Variants in CHCHD6 observed in about 807,000 individuals in gnomAD.
The protein encoded by CHCHD6 is coiled-coil-helix-coiled-coil-helix domain containing 6.
A neutral mutation model predicts 32.3 loss-of-function variants in CHCHD6; 28 were observed. That is an observed-to-expected ratio of 0.87 (90% CI 0.64 to 1.19). CHCHD6 has a LOEUF of 1.19. Among genes scored for constraint, CHCHD6 ranks in the 50% most tolerant of loss-of-function variants. The pLI is 0.00. For synonymous variants in CHCHD6, 122 were observed against 117.5 expected, an observed-to-expected ratio of 1.04 and a Z score of -0.25; for missense variants, 333 against 307.0, an observed-to-expected ratio of 1.08 and a Z score of -0.63.
intron 4 of CHCHD6, among the ~76,000 whole-genome samples, chr3:126,808,417 T>C (rs1939510338): frequency 6.6e-6 from 1 of 152,204 alleles, no homozygotes; most frequent in Admixed American, 6.5e-5. Flanking sequence ...TCATCGGGGC[T>C]GTCTTAGAGG....
rs370867313 is a variant in CHCHD6, at chr3:126,822,416, C to T, written c.412-30231C>T. On this transcript the variant is annotated intron_variant, in intron 4 of 7. Coordinates refer to ENST00000290913, the MANE Select transcript of CHCHD6 (RefSeq NM_032343.3). Reference sequence around the variant, plus strand: ...ATATTTATTTTTGGACTCAGAATTCCAGTCCATGTATCTCTATGTCCTTAT... The same window carrying T: ...ATATTTATTTTTGGACTCAGAATTCTAGTCCATGTATCTCTATGTCCTTAT... Among the ~76,000 whole-genome samples, 16 of 152,226 alleles carry T rather than the reference C, an allele frequency of 1.1e-4. No individual in the cohort carries two copies. In the East Asian group the frequency reaches 2.1e-3, roughly 20 times the overall value.
chr3:126,816,098 C>G (rs1189193644), intron 4 of CHCHD6, among the ~76,000 whole-genome samples: 3 of 152,148 alleles, frequency 2.0e-5, no homozygotes, highest in African/African-American at 7.2e-5. Flanking sequence ...CTGTCCTCCC[C>G]CTCCCCCTCT....
chr3:126,768,782 CATTTTG>C (rs573745642), intron 4 of CHCHD6, among the ~76,000 whole-genome samples: 18 of 152,236 alleles, frequency 1.2e-4, no homozygotes, highest in Admixed American at 5.9e-4. Flanking sequence ...GATGGTATCT[CATTTTG>C]ATTTTGATTT....
chr3:126,704,415 TG>T lies in CHCHD6; in HGVS notation c.87+19del. On this transcript the variant is annotated intron_variant, in intron 1 of 7. Transcript: ENST00000290913. ...GGGTGTCCGGGTGAGCGGCGCCGCC[TG>T]GGCCGGGGCGGGCGTGGAGGCCGCG... The T allele has an allele frequency of 6.7e-7, 1 of 1,486,064 alleles. No individual in the cohort carries two copies. The allele number at this position is 1,486,064 out of a possible 1,614,324, so 92.1% of individuals were successfully genotyped here. A position where few individuals can be genotyped will look rare whatever the true frequency, so the allele number is the denominator to read the frequency against.
intron 4 of CHCHD6, among the ~76,000 whole-genome samples, chr3:126,810,799 G>A (rs1220743783): frequency 1.3e-5 from 2 of 152,178 alleles, no homozygotes; most frequent in South Asian, 4.1e-4. Context: ...CAGTATGGAT[G>A]CTATCATACT....
At chr3:126,778,797 T>G (rs6801226) in intron 4 of CHCHD6, among the ~76,000 whole-genome samples, 151,968 of 152,306 alleles carry the variant, frequency 1, 75,821 homozygotes, top group Middle Eastern at 1. Context: ...TGTTGCCCAG[T>G]TGGAGTGCAG....
intron 4 of CHCHD6, among the ~76,000 whole-genome samples, chr3:126,842,005 TTGGGAGGCCTAGG>T (rs1009091089): frequency 6.6e-6 from 1 of 152,084 alleles, no homozygotes; most frequent in Non-Finnish European, 1.5e-5. Context: ...TCCCAACACT[TTGGGAGGCCTAGG>T]TGGGAGGATG....
At chr3:126,903,350 A>G (rs746553575) in intron 5 of CHCHD6, among the ~76,000 whole-genome samples, 11 of 152,150 alleles carry the variant, frequency 7.2e-5, no homozygotes, top group Non-Finnish European at 1.3e-4. Context: ...GTTGTCCCTT[A>G]ACCCTGGAAT....
chr3:126,851,921 A>G (rs1941489418), intron 4 of CHCHD6, among the ~76,000 whole-genome samples: 1 of 152,118 alleles, frequency 6.6e-6, no homozygotes, highest in Middle Eastern at 3.2e-3. Flanking sequence ...GCTGGGTTCA[A>G]CCTGACATCT....
In CHCHD6 at chr3:126,720,889, G is replaced by A. The variant is rs907589555; in HGVS notation, c.88-6189G>A. On this transcript the variant is annotated intron_variant, in intron 1 of 7. Coordinates refer to ENST00000290913, the MANE Select transcript of CHCHD6 (RefSeq NM_032343.3). Reference sequence around the variant, plus strand: ...TCTCCCATACACTGACTCACTCAGGGTCTTAGTTGCTACAGCCGCAAAAAA... The same window carrying A: ...TCTCCCATACACTGACTCACTCAGGATCTTAGTTGCTACAGCCGCAAAAAA... 1.1e-4 allele frequency among the ~76,000 whole-genome samples: 16 copies of A among 152,156 alleles called. 1 individual carries two copies. The highest frequency in any genetic ancestry group is 6.3e-3 in the Middle Eastern group (2 of 316).
chr3:126,861,136 C>T (rs1431664218), intron 5 of CHCHD6, among the ~76,000 whole-genome samples: 1 of 152,108 alleles, frequency 6.6e-6, no homozygotes, highest in African/African-American at 2.4e-5. Context: ...CCTGCTGTAA[C>T]ATATCCTTGC....
At chr3:126,748,027 G>T (rs1005813532) in intron 4 of CHCHD6, among the ~76,000 whole-genome samples, 1 of 151,908 alleles carries the variant, frequency 6.6e-6, no homozygotes, top group Non-Finnish European at 1.5e-5. Context: ...TGGCCTCACC[G>T]CCCTCTCCTC....
At chr3:126,804,536 A>AT (rs1939255915) in intron 4 of CHCHD6, among the ~76,000 whole-genome samples, 2 of 152,238 alleles carry the variant, frequency 1.3e-5, no homozygotes, top group African/African-American at 4.8e-5. Flanking sequence ...CTCTGAATAG[A>AT]CCAATAACAG....
At chr3:126,819,116 A>G (rs1170488555) in intron 4 of CHCHD6, among the ~76,000 whole-genome samples, 5 of 152,112 alleles carry the variant, frequency 3.3e-5, no homozygotes, top group African/African-American at 1.2e-4. Flanking sequence ...CCCATACTCT[A>G]AACTCCTGCC....
intron 5 of CHCHD6, among the ~76,000 whole-genome samples, chr3:126,856,802 G>A (rs149193087): frequency 2.6e-5 from 4 of 152,196 alleles, no homozygotes; most frequent in Non-Finnish European, 4.4e-5. Context: ...GCTGAGTAGG[G>A]TGGTAGGGAT....
At chr3:126,854,030 A>G (rs917247290) in intron 5 of CHCHD6, among the ~76,000 whole-genome samples, 6 of 152,142 alleles carry the variant, frequency 3.9e-5, no homozygotes, top group African/African-American at 7.2e-5. Flanking sequence ...ATGTGTACAT[A>G]TCTCTGTTTC....
At chr3:126,735,273 T>C (rs927894568) in intron 4 of CHCHD6, among the ~76,000 whole-genome samples, 1 of 152,206 alleles carries the variant, frequency 6.6e-6, no homozygotes, top group Non-Finnish European at 1.5e-5. Context: ...TTCTTACTCC[T>C]GCAAAGGAGA....
At chr3:126,944,967 G>A (rs953954467) in intron 6 of CHCHD6, among the ~76,000 whole-genome samples, 3 of 152,226 alleles carry the variant, frequency 2.0e-5, no homozygotes, top group Non-Finnish European at 4.4e-5. Flanking sequence ...CTGAGGGCAG[G>A]GCAGAGGTTT....
intron 4 of CHCHD6, among the ~76,000 whole-genome samples, chr3:126,779,535 C>CAAAAAA (rs11288509): frequency 1.0e-4 from 8 of 78,078 alleles, no homozygotes; most frequent in African/African-American, 2.1e-4. Context: ...GACTCCATCT[C>CAAAAAA]AAAAAAAAAA....
Sources: gnomAD v4.1 joint callset for allele counts (sites outside exome capture counted in the v4.1 genomes callset) on GRCh38, gnomAD v4.1.1 for gene constraint, MANE v1.5 for transcripts, NCBI Gene and HGNC (gene_info 2026-07-23, HGNC 2026-07-21) for gene names.